The following MAP4K2 variants were observed in gnomAD, a reference collection of about 807,000 sequenced individuals.
MAP4K2 encodes the protein mitogen-activated protein kinase kinase kinase kinase 2, also known as B lymphocyte serine/threonine protein kinase.
Under a neutral mutation model 125.3 loss-of-function variants are expected in MAP4K2, and 85 were observed. That is an observed-to-expected ratio of 0.68 (90% confidence interval 0.57 to 0.81). The LOEUF is 0.81. Ranked by LOEUF, MAP4K2 falls within the 40% of genes least tolerant of loss-of-function variation. The pLI is 0.00. For missense variants in MAP4K2, 923 were observed against 1,056.4 expected (o/e 0.87, Z 1.75); for synonymous variants, 479 against 445.1 (o/e 1.08, Z -0.96).
At chr11:64,796,425 T>C in intron 23 of MAP4K2, 35 bp from the exon 24 acceptor site, 1 of 1,613,610 alleles carries the variant, frequency 6.2e-7, no homozygotes, top group South Asian at 1.1e-5. Flanking sequence ...CCTGGGGTGT[T>C]GGTGGGCAGG....
In MAP4K2 at chr11:64,800,145, A is replaced by G; in HGVS notation, c.879T>C (p.His293=). The G allele has an allele frequency of 6.2e-7, 1 of 1,612,376 alleles. No individual in the cohort carries two copies. The highest frequency in any genetic ancestry group is 8.5e-7 in the Non-Finnish European group (1 of 1,179,482). ...AGTCCTCAGGGGAGGGGGTCCCCAG[A>G]TGAGGGTCACTGGCTTTGTCCAGCA... The part of the protein sequence containing the change: ...TQLLDKASDP[H]LGTPSPEDCE... The change falls in exon 12 of 32, where the codon CAT becomes CAC. Residue 293 remains histidine, a synonymous_variant. Transcript: ENST00000294066.
Position 64,803,101 on chromosome 11 carries a change from C to T in MAP4K2, c.49G>A (p.Glu17Lys). Residue 17 changes from glutamate to lysine, a missense_variant, in exon 1 of 32, where the codon GAG becomes AAG. This residue lies in a region of MAP4K2 where 833 missense variants were observed against 911.4 expected (regional missense o/e 0.91). Transcript: ENST00000294066. ...VSLQDPRDRFELLQRVGAGTY... is the reference protein window; with the variant it reads ...VSLQDPRDRFKLLQRVGAGTY... ...CCGGCCCCCACGCGCTGCAGCAGCT[C>T]GAAGCGGTCCCGCGGGTCCTGCAGC... 2 of 1,596,826 alleles carry T rather than the reference C, an allele frequency of 1.3e-6. No individual in the cohort carries two copies. Among genetic ancestry groups the T allele is most frequent in the Non-Finnish European group, 1.7e-6 (2 of 1,176,726 alleles).
rs745519939 is a variant in MAP4K2, at chr11:64,797,209, G to A, written c.1277-17C>T. On this transcript the variant is annotated splice_polypyrimidine_tract_variant and intron_variant, in intron 18 of 31. Transcript: ENST00000294066. ...GCAGGGTTCCTGCAGGCACAGGCGT[G>A]CTGTAATTTCCTGCTGTAGCCCCCA... 8 of 1,611,856 alleles carry A rather than the reference G, an allele frequency of 5.0e-6. No individual in the cohort carries two copies. Among genetic ancestry groups the A allele is most frequent in the Non-Finnish European group, 6.8e-6 (8 of 1,179,078 alleles).
At position 64,791,969 on chromosome 11, in the gene MAP4K2, C is replaced by T. The variant is rs376125345; in HGVS notation, c.2032G>A (p.Val678Ile). ...TCCAGGGGCAGGACATGGAACAGGACGCGGCAGCCGGGCCCCTCAGGCCCC... is the reference window on the plus strand; with the variant it reads ...TCCAGGGGCAGGACATGGAACAGGATGCGGCAGCCGGGCCCCTCAGGCCCC... ...AEGPEGPGCRVLFHVLPLEAG... is the reference protein window; with the variant it reads ...AEGPEGPGCRILFHVLPLEAG... The change falls in exon 27 of 32, where the codon GTC becomes ATC. Residue 678 changes from valine to isoleucine, a missense_variant. Physicochemically the swap from Val to Ile is conservative, Grantham distance 29. Coordinates refer to ENST00000294066, the MANE Select transcript of MAP4K2 (RefSeq NM_004579.5). 28 of 1,604,984 alleles carry T rather than the reference C, an allele frequency of 1.7e-5. No individual in the cohort carries two copies. The highest frequency in any genetic ancestry group is 3.4e-5 in the Admixed American group (2 of 59,094).
chr11:64,790,953 T>C (rs1940439085), intron 27 of MAP4K2, among the ~76,000 whole-genome samples: 1 of 152,112 alleles, frequency 6.6e-6, no homozygotes. Flanking sequence ...CTGGCCAACA[T>C]GGCGAAACCC....
chr11:64,801,083 T>C (rs1279367382), intron 8 of MAP4K2, 28 bp downstream of exon 8: 7 of 1,613,484 alleles, frequency 4.3e-6, no homozygotes, highest in Non-Finnish European at 5.9e-6. Flanking sequence ...CTGTGGCCCC[T>C]ACCCCTCCGC....
chr11:64,802,500 G>A lies in MAP4K2; in HGVS notation c.246-17C>T, dbSNP rs753310661. The A allele has an allele frequency of 1.4e-5, 21 of 1,549,066 alleles. No individual in the cohort carries two copies. The South Asian group carries it at 2.3e-4, about 17-fold the overall frequency. Reference sequence around the variant, plus strand: ...CGGTCATTCCTAGGGACAAAGAGCTGGGGTGGGCACAAAGCAGGTCACATG... The same window carrying A: ...CGGTCATTCCTAGGGACAAAGAGCTAGGGTGGGCACAAAGCAGGTCACATG... On this transcript the variant is annotated splice_polypyrimidine_tract_variant and intron_variant, in intron 3 of 31. Coordinates refer to ENST00000294066, the MANE Select transcript of MAP4K2 (RefSeq NM_004579.5).
rs1940247946 is a variant in MAP4K2, at chr11:64,787,545, G to A, written c.*1992C>T. ...TGTATTTAAAAAAATATGTACCATGGGCAAAGGTTACGCATTTAAAAATAC... is the reference window on the plus strand; with the variant it reads ...TGTATTTAAAAAAATATGTACCATGAGCAAAGGTTACGCATTTAAAAATAC... On this transcript the variant is annotated 3_prime_UTR_variant, in exon 32 of 32. Coordinates refer to ENST00000294066, the MANE Select transcript of MAP4K2 (RefSeq NM_004579.5). 6.6e-6 allele frequency: 1 copy of A among 152,100 alleles called. No individual in the cohort carries two copies. The highest frequency in any genetic ancestry group is 1.5e-5 in the Non-Finnish European group (1 of 68,024). 9.4% of individuals were successfully genotyped at this position (152,100 alleles called of 1,614,324 possible). A position where few individuals can be genotyped will look rare whatever the true frequency, so the allele number is the denominator to read the frequency against.
At position 64,789,755 on chromosome 11, in the gene MAP4K2, T is replaced by C. The variant is rs769496570; in HGVS notation, c.2350A>G (p.Ile784Val). 4 of 1,614,044 alleles carry C rather than the reference T, an allele frequency of 2.5e-6. No homozygotes were observed. The South Asian group carries it at 3.3e-5, about 13-fold the overall frequency. ...VTQEITDETR[I>V]FRVLGAHRDI... ...CTGTGGGCCCCAAGCACTCGGAAGATCCTTGTTTCATCTGTGATCTCCTGG... is the reference window on the plus strand; with the variant it reads ...CTGTGGGCCCCAAGCACTCGGAAGACCCTTGTTTCATCTGTGATCTCCTGG... Residue 784 changes from isoleucine (I) to valine (V), a missense_variant, in exon 31 of 32, where the codon ATC (isoleucine) becomes GTC (valine). Around this residue, in one of 2 missense-constraint regions of MAP4K2, gnomAD observed 90 missense variants for 144.9 expected, o/e 0.62. Coordinates refer to ENST00000294066, the MANE Select transcript of MAP4K2 (RefSeq NM_004579.5).
chr11:64,801,070 GCT>G, intron 8 of MAP4K2, 39 bp from the exon 9 acceptor site: 1 of 1,613,684 alleles, frequency 6.2e-7, no homozygotes. Flanking sequence ...CGGGTGCCCT[GCT>G]CTGTGGCCCC....
At chr11:64,791,127 C>T (rs1940451034) in intron 27 of MAP4K2, among the ~76,000 whole-genome samples, 1 of 152,218 alleles carries the variant, frequency 6.6e-6, no homozygotes, top group South Asian at 2.1e-4. Flanking sequence ...CAGAGCAAGA[C>T]TCTGTCTCAA....
rs1278638891 is a variant in MAP4K2 at position 64,785,755 on chromosome 11, A to C, written c.*3782T>G. The C allele has an allele frequency of 6.6e-6, 1 of 151,860 alleles. No individual in the cohort carries two copies. Among genetic ancestry groups the C allele is most frequent in the African/African-American group, 2.4e-5 (1 of 41,304 alleles). 9.4% of individuals were successfully genotyped at this position (151,860 alleles called of 1,614,324 possible). ...CAGGCGAGTGCCACCATGTCCAGCT[A>C]ATTTGTGTATCTTTTGTAGAGACAG... On this transcript the variant is annotated 3_prime_UTR_variant, in exon 32 of 32. Transcript: ENST00000294066.
rs1940187856 is a variant in MAP4K2 at position 64,785,772 on chromosome 11, T to C, written c.*3765A>G. ...GTCCAGCTAATTTGTGTATCTTTTG[T>C]AGAGACAGGGTTTTGTCATGTTGCC... On this transcript the variant is annotated 3_prime_UTR_variant, in exon 32 of 32. Transcript: ENST00000294066. 6.6e-6 allele frequency: 1 copy of C among 152,056 alleles called. No homozygotes were observed. The highest frequency in any genetic ancestry group is 2.4e-5 in the African/African-American group (1 of 41,404). The allele number at this position is 152,056 out of a possible 1,614,324, so 9.4% of individuals were successfully genotyped here.
chr11:64,798,963 A>C (rs1940994299), intron 14 of MAP4K2, 126 bp from the exon 15 acceptor site: 1 of 797,416 alleles, frequency 1.3e-6, no homozygotes, highest in Admixed American at 2.4e-5. Context: ...ATGGAAACAC[A>C]CAGAAGATGA....
At chr11:64,802,024 T>A (rs1460765223) in intron 5 of MAP4K2, 42 bp downstream of exon 5, 1 of 1,593,940 alleles carries the variant, frequency 6.3e-7, no homozygotes, top group South Asian at 1.1e-5. Context: ...GGCCCACAGC[T>A]TCTGGAGACC....
At chr11:64,792,329 A>AGGCCCCCCCCCCCCCCCCCCCCACCC in intron 25 of MAP4K2, 35 bp downstream of exon 25, 1 of 1,504,068 alleles carries the variant, frequency 6.6e-7, no homozygotes, top group South Asian at 1.2e-5. Context: ...GCCCCCCACC[A>AGGCCCCCCCCCCCCCCCCCCCCACCC]GGCCCCGCCC....
chr11:64,795,666 T>A (rs1276976317), intron 24 of MAP4K2, among the ~76,000 whole-genome samples: 8 of 152,220 alleles, frequency 5.3e-5, no homozygotes. Flanking sequence ...CCTCCCAAAG[T>A]GCTGGGATTA....
Position 64,796,714 on chromosome 11 carries a change from C to T in MAP4K2, c.1493-1G>A, listed in dbSNP as rs749079126. 6.2e-7 allele frequency: 1 copy of T among 1,614,028 alleles called. No individual in the cohort carries two copies. The highest frequency in any genetic ancestry group is 8.5e-7 in the Non-Finnish European group (1 of 1,180,006). On this transcript the variant is annotated splice_acceptor_variant, in intron 21 of 31. Coordinates refer to ENST00000294066, the MANE Select transcript of MAP4K2 (RefSeq NM_004579.5). LOFTEE classifies it high-confidence loss of function. ...TCGGCCCCTACCACCAGGAACTGGT[C>T]TGCCAGTTTGGGCATGGGGTCAGAG...
At chr11:64,803,000 G>T in intron 1 of MAP4K2, 54 bp downstream of exon 1, 1 of 1,568,936 alleles carries the variant, frequency 6.4e-7, no homozygotes. Context: ...AGATCCTGCC[G>T]CGGGGTGCGG....
Sources: allele counts gnomAD v4.1 joint callset (sites outside exome capture counted in the v4.1 genomes callset), GRCh38; gene constraint gnomAD v4.1.1; regional missense constraint gnomAD v4.1.1; transcripts MANE v1.5; gene names NCBI Gene and HGNC (gene_info 2026-07-23, HGNC 2026-07-21).